The following VPS53 variants were observed in gnomAD, a reference collection of about 807,000 sequenced individuals.
VPS53 encodes VPS53 subunit of GARP complex.
Under a neutral mutation model 107.0 loss-of-function variants are expected in VPS53, and 70 were observed. That is an observed-to-expected ratio of 0.65 (90% CI 0.54 to 0.80). VPS53 has a LOEUF of 0.80. Ranked by LOEUF, VPS53 falls within the 30% of genes least tolerant of loss-of-function variation. The pLI, the probability that VPS53 is intolerant of heterozygous loss-of-function variation, is 0.00. For missense variants in VPS53, 917 were observed against 1,049.4 expected (o/e 0.87, Z 1.74); for synonymous variants, 409 against 393.3 (o/e 1.04, Z -0.47).
chr17:623,396 C>A, intron 11 of VPS53, 137 bp downstream of exon 11: 2 of 1,043,184 alleles, frequency 1.9e-6, no homozygotes, highest in East Asian at 5.0e-5. Flanking sequence ...CATCACTTTC[C>A]CAGCAGCTCA....
intron 4 of VPS53, among the ~76,000 whole-genome samples, chr17:671,577 G>A (rs1971947705): frequency 6.6e-6 from 1 of 152,078 alleles, no homozygotes; most frequent in South Asian, 2.1e-4. Context: ...TGTGAGAGTA[G>A]AAAATATGTT....
rs372545838 is a variant in VPS53, at chr17:661,812, T to G, written c.369A>C (p.Gln123His). 27 of 1,552,040 alleles carry G rather than the reference T, an allele frequency of 1.7e-5. No homozygotes were observed. In the African/African-American group the frequency reaches 3.6e-4, roughly 20 times the overall value. ...TTAGGAAGAAACCAGAACTCACCAT[T>G]TGCTCTGATTTTTCAGCTTTGTCTT... is the stretch of plus-strand genomic sequence containing the variant. ...DIKDKAEKSE[Q>H]MVKEITRDIK... Residue 123 changes from glutamine (Q) to histidine (H), a missense_variant, in exon 5 of 22, where the codon CAA becomes CAC. Physicochemically the swap from Gln to His is conservative, Grantham distance 24 (BLOSUM62 0). Coordinates refer to ENST00000437048, the MANE Select transcript of VPS53 (RefSeq NM_001128159.3).
At chr17:636,830 T>C (rs1970216257) in intron 7 of VPS53, among the ~76,000 whole-genome samples, 1 of 152,256 alleles carries the variant, frequency 6.6e-6, no homozygotes, top group Non-Finnish European at 1.5e-5. Flanking sequence ...AGTATTTTAC[T>C]GAGGATTTTT....
chr17:647,772 G>C (rs1025005748), intron 7 of VPS53, among the ~76,000 whole-genome samples: 6 of 152,232 alleles, frequency 3.9e-5, no homozygotes, highest in African/African-American at 1.2e-4. Flanking sequence ...TTCCTGCCCC[G>C]GAGCGTCAGA....
chr17:536,887 A>G, intron 18 of VPS53, 141 bp downstream of exon 18: 1 of 1,039,876 alleles, frequency 9.6e-7, no homozygotes, highest in Non-Finnish European at 1.4e-6. Flanking sequence ...TAATGGGAAG[A>G]CTGTGCATGT....
intron 2 of VPS53, among the ~76,000 whole-genome samples, chr17:708,000 T>G (rs1479299104): frequency 1.3e-5 from 2 of 152,216 alleles, no homozygotes; most frequent in African/African-American, 4.8e-5. Context: ...CTGCTCACTG[T>G]GCACATCTTA....
chr17:589,693 A>G (rs1967533111), intron 12 of VPS53, among the ~76,000 whole-genome samples: 1 of 152,212 alleles, frequency 6.6e-6, no homozygotes, highest in Non-Finnish European at 1.5e-5. Flanking sequence ...AGAGACCTCA[A>G]TGGAGCCATC....
intron 7 of VPS53, among the ~76,000 whole-genome samples, chr17:644,882 C>A (rs1460914991): frequency 6.6e-6 from 1 of 152,178 alleles, no homozygotes; most frequent in Non-Finnish European, 1.5e-5. Flanking sequence ...CCATGCCCAG[C>A]CTTTTTAGTG....
At chr17:700,174 T>C (rs963315488) in intron 2 of VPS53, among the ~76,000 whole-genome samples, 2 of 152,200 alleles carry the variant, frequency 1.3e-5, no homozygotes, top group Admixed American at 6.5e-5. Context: ...GTAATTGTAA[T>C]GTATTAGTAG....
intron 10 of VPS53, among the ~76,000 whole-genome samples, chr17:624,065 C>T (rs1969585684): frequency 6.6e-6 from 1 of 151,094 alleles, no homozygotes; most frequent in South Asian, 2.1e-4. Context: ...ACCATGTTGG[C>T]CAGGCTGGTC....
chr17:648,933 TG>T (rs1970819705), intron 7 of VPS53, among the ~76,000 whole-genome samples: 1 of 120,118 alleles, frequency 8.3e-6, no homozygotes, highest in Non-Finnish European at 1.8e-5. Flanking sequence ...GAACAGGCAC[TG>T]AAGATCTTAC....
chr17:629,527 G>A (rs1043462322), intron 8 of VPS53, among the ~76,000 whole-genome samples: 1 of 152,118 alleles, frequency 6.6e-6, no homozygotes, highest in African/African-American at 2.4e-5. Context: ...GGAGGCCAAG[G>A]CAGGCAGATC....
chr17:582,820 T>A (rs566650978), intron 13 of VPS53, among the ~76,000 whole-genome samples: 1 of 148,618 alleles, frequency 6.7e-6, no homozygotes, highest in South Asian at 2.2e-4. Flanking sequence ...CTCAGAGGAC[T>A]TCCCTCAGAA....
intron 17 of VPS53, among the ~76,000 whole-genome samples, chr17:546,810 A>G (rs1211477600): frequency 7.2e-5 from 11 of 152,072 alleles, no homozygotes; most frequent in Non-Finnish European, 1.6e-4. Context: ...CTTTCTCAAA[A>G]TGTTAAACAT....
Position 517,546 on chromosome 17 carries a change from G to A in VPS53, c.*1582C>T. On this transcript the variant is annotated 3_prime_UTR_variant, in exon 22 of 22. Coordinates refer to ENST00000437048, the MANE Select transcript of VPS53 (RefSeq NM_001128159.3). ...TATCCTGAAAACTTTTTGAGAAGGGGTCTTGCTCTGTCACCCAGGCTGGAG... is the reference window on the plus strand; with the variant it reads ...TATCCTGAAAACTTTTTGAGAAGGGATCTTGCTCTGTCACCCAGGCTGGAG... The A allele has an allele frequency of 2.5e-6, 1 of 397,786 alleles. No individual in the cohort carries two copies. The highest frequency in any genetic ancestry group is 3.6e-5 in the East Asian group (1 of 28,034). The allele number at this position is 397,786 out of a possible 1,614,324, so 24.6% of individuals were successfully genotyped here. A position where few individuals can be genotyped will look rare whatever the true frequency, so the allele number is the denominator to read the frequency against.
At chr17:535,464 C>T (rs538904083) in intron 18 of VPS53, among the ~76,000 whole-genome samples, 12 of 147,338 alleles carry the variant, frequency 8.1e-5, no homozygotes, top group African/African-American at 1.7e-4. Context: ...AGGGAGACGC[C>T]GGGACTGGCT....
intron 15 of VPS53, among the ~76,000 whole-genome samples, chr17:554,589 G>C (rs955140166): frequency 6.6e-6 from 1 of 152,162 alleles, no homozygotes; most frequent in African/African-American, 2.4e-5. Flanking sequence ...TTTTAGTAGA[G>C]ACGGGGTTTC....
chr17:624,957 C>G lies in VPS53; in HGVS notation c.975-1283G>C, dbSNP rs1450503987. Among the ~76,000 whole-genome samples the G allele has an allele frequency of 6.2e-5, 9 of 145,456 alleles. No homozygotes were observed. The South Asian group carries it at 9.3e-4, about 15-fold the overall frequency. On this transcript the variant is annotated intron_variant, in intron 10 of 21. Coordinates refer to ENST00000437048, the MANE Select transcript of VPS53 (RefSeq NM_001128159.3). ...TCGCCCTCCCTCCCTCCCTCCCTCC[C>G]TTCCTCACTTCCTTCCTTCTCTGTC...
At chr17:702,507 CA>C (rs560630306) in intron 2 of VPS53, among the ~76,000 whole-genome samples, 1 of 150,534 alleles carries the variant, frequency 6.6e-6, no homozygotes, top group South Asian at 2.1e-4. Context: ...ACTAAAAATA[CA>C]AAAAAAAATT....
Sources: allele counts gnomAD v4.1 joint callset (sites outside exome capture counted in the v4.1 genomes callset), GRCh38; gene constraint gnomAD v4.1.1; transcripts MANE v1.5; gene names NCBI Gene and HGNC (gene_info 2026-07-23, HGNC 2026-07-21).